FNDC3B: variants seen among roughly 807,000 people sequenced by gnomAD.
FNDC3B encodes the protein fibronectin type III domain-containing protein 3B.
Under a neutral mutation model 151.5 loss-of-function variants are expected in FNDC3B, and 12 were observed. The observed-to-expected ratio is 0.08, with a 90% CI of 0.05 to 0.13. FNDC3B has a LOEUF of 0.13. Among genes scored for constraint, FNDC3B ranks in the 10% least tolerant of loss-of-function variants. The pLI is 1.00. For synonymous variants in FNDC3B, 528 were observed against 549.0 expected, an observed-to-expected ratio of 0.96 and a Z score of 0.54; for missense variants, 1,214 against 1,505.3, an observed-to-expected ratio of 0.81 and a Z score of 3.20.
intron 10 of FNDC3B, among the ~76,000 whole-genome samples, chr3:172,307,811 C>T (rs952186511): frequency 5.3e-5 from 8 of 152,144 alleles, no homozygotes; most frequent in African/African-American, 1.9e-4. Context: ...CAAAAGTTGT[C>T]ATTTCTGTAA....
At chr3:172,281,704 T>G (rs1419127213) in intron 6 of FNDC3B, among the ~76,000 whole-genome samples, 1 of 152,172 alleles carries the variant, frequency 6.6e-6, no homozygotes, top group Non-Finnish European at 1.5e-5. Context: ...TGGGGCAATC[T>G]CTTGTTTAGT....
chr3:172,363,855 G>A (rs1021460398), intron 23 of FNDC3B, among the ~76,000 whole-genome samples: 2 of 152,134 alleles, frequency 1.3e-5, no homozygotes, highest in African/African-American at 4.8e-5. Context: ...TAGAAGCATA[G>A]TATCAATTTT....
At chr3:172,151,688 A>G (rs1722229890) in intron 3 of FNDC3B, among the ~76,000 whole-genome samples, 1 of 152,200 alleles carries the variant, frequency 6.6e-6, no homozygotes, top group African/African-American at 2.4e-5. Flanking sequence ...TTTATTTAAA[A>G]CCTGCGGTAG....
chr3:172,372,623 C>T (rs576376847), intron 23 of FNDC3B, among the ~76,000 whole-genome samples: 4 of 152,144 alleles, frequency 2.6e-5, no homozygotes, highest in Non-Finnish European at 5.9e-5. Context: ...CAGAACATCA[C>T]AGATTTAGAT....
At chr3:172,338,959 G>T (rs908436656) in intron 16 of FNDC3B, among the ~76,000 whole-genome samples, 1 of 151,748 alleles carries the variant, frequency 6.6e-6, no homozygotes, top group Non-Finnish European at 1.5e-5. Context: ...GGATAGTCTC[G>T]ATCTCCTGAC....
chr3:172,237,303 T>A (rs2108755692), intron 4 of FNDC3B: 1 of 152,424 alleles, frequency 6.6e-6, no homozygotes, highest in East Asian at 1.9e-4. Context: ...GCAGTTGGTG[T>A]GTGGGTTAAA....
chr3:172,181,408 A>AAAC (rs1723891728), intron 3 of FNDC3B, among the ~76,000 whole-genome samples: 1 of 145,006 alleles, frequency 6.9e-6, no homozygotes, highest in Non-Finnish European at 1.5e-5. Context: ...AAAAAAAAAA[A>AAAC]AAAAAACAAA....
intron 21 of FNDC3B, among the ~76,000 whole-genome samples, chr3:172,348,915 G>A (rs1024075345): frequency 6.6e-6 from 1 of 152,096 alleles, no homozygotes; most frequent in Non-Finnish European, 1.5e-5. Context: ...GTTATTTGTG[G>A]ACCAAATATG....
Position 172,343,058 on chromosome 3 carries a change from A to G in FNDC3B, c.2019A>G (p.Gln673=), listed in dbSNP as rs775169168. The G allele has an allele frequency of 2.7e-5, 43 of 1,613,596 alleles. No individual in the cohort carries two copies. Among genetic ancestry groups the G allele is most frequent in the Middle Eastern group, 1.6e-4 (1 of 6,084 alleles). Residue 673 remains glutamine, a synonymous_variant, in exon 18 of 26, where the codon CAA becomes CAG. Transcript: ENST00000415807. ...PVRTLSIAPG[Q]CRPPRVLGRP... is the part of the protein sequence containing the mutation. ...GCACACTAAGCATTGCACCAGGTCA[A>G]TGTCGACCACCGAGGGTTTTGGGTA... is the stretch of plus-strand genomic sequence containing the variant.
intron 9 of FNDC3B, among the ~76,000 whole-genome samples, chr3:172,305,520 G>A (rs1247941220): frequency 1.3e-5 from 2 of 152,182 alleles, no homozygotes; most frequent in African/African-American, 4.8e-5. Context: ...CAATGAAGAG[G>A]TTTAATCAGA....
intron 14 of FNDC3B, 83 bp downstream of exon 14, chr3:172,333,258 A>G: frequency 2.2e-6 from 2 of 896,144 alleles, no homozygotes; most frequent in East Asian, 2.4e-5. Flanking sequence ...GATTGACTCT[A>G]CAGGTTAAAA....
chr3:172,189,545 A>AT (rs915523143), intron 3 of FNDC3B, among the ~76,000 whole-genome samples: 4 of 151,842 alleles, frequency 2.6e-5, no homozygotes, highest in Non-Finnish European at 4.4e-5. Context: ...ATTTACTTGA[A>AT]TTTTTTTTTA....
chr3:172,257,507 T>G (rs1282079576), intron 6 of FNDC3B, among the ~76,000 whole-genome samples: 1 of 151,990 alleles, frequency 6.6e-6, no homozygotes, highest in African/African-American at 2.4e-5. Context: ...TCAGGCAATC[T>G]TGTGTGGATT....
chr3:172,380,845 C>A, intron 24 of FNDC3B, 121 bp from the exon 25 acceptor site: 1 of 1,151,670 alleles, frequency 8.7e-7, no homozygotes, highest in Non-Finnish European at 1.3e-6. Context: ...ATCAGCTCCT[C>A]TCTCAGGGCA....
chr3:172,307,698 A>G (rs1256077807), intron 10 of FNDC3B, among the ~76,000 whole-genome samples, 197 bp downstream of exon 10: 3 of 152,188 alleles, frequency 2.0e-5, no homozygotes, highest in African/African-American at 4.8e-5. Context: ...TCGAGTTAAT[A>G]TAAGGTCAGT....
intron 19 of FNDC3B, chr3:172,345,951 A>AATTAAACTG (rs1223157966): frequency 6.5e-6 from 1 of 153,890 alleles, no homozygotes; most frequent in Non-Finnish European, 1.4e-5. Context: ...ATTCATTAAA[A>AATTAAACTG]ATTAAACTGC....
chr3:172,333,308 T>A (rs1732774331), intron 14 of FNDC3B, 133 bp downstream of exon 14: 5 of 651,066 alleles, frequency 7.7e-6, no homozygotes, highest in South Asian at 6.9e-5. Flanking sequence ...AAGTAACATT[T>A]ATAAAGTGTA....
intron 6 of FNDC3B, among the ~76,000 whole-genome samples, chr3:172,255,903 C>G (rs939347207): frequency 2.0e-5 from 3 of 152,192 alleles, no homozygotes; most frequent in Non-Finnish European, 2.9e-5. Context: ...TCTCCTCATA[C>G]GTTTCTTAGG....
At chr3:172,153,865 G>A (rs981186051) in intron 3 of FNDC3B, among the ~76,000 whole-genome samples, 9 of 152,098 alleles carry the variant, frequency 5.9e-5, no homozygotes, top group African/African-American at 1.4e-4. Context: ...TGAGCTCTTA[G>A]CCCTATCCTG....
Sources: gnomAD v4.1 joint callset for allele counts (sites outside exome capture counted in the v4.1 genomes callset) on GRCh38, gnomAD v4.1.1 for gene constraint, MANE v1.5 for transcripts, NCBI Gene and HGNC (gene_info 2026-07-23, HGNC 2026-07-21) for gene names.